The following ETV1 variants were observed in gnomAD, a reference collection of about 807,000 sequenced individuals.
ETV1 encodes the protein ETS variant transcription factor 1.
ETV1 carries 27 observed loss-of-function variants against 62.3 expected under a neutral mutation model. The observed-to-expected ratio is 0.43, with a 90% confidence interval of 0.32 to 0.60. The LOEUF is 0.60. Ranked by LOEUF, ETV1 falls within the 20% of genes least tolerant of loss-of-function variation. ETV1 has a pLI of 0.06. For synonymous variants in ETV1, 222 were observed against 199.6 expected, an observed-to-expected ratio of 1.11 and a Z score of -0.94; for missense variants, 605 against 605.8, an observed-to-expected ratio of 1.00 and a Z score of 0.01.
At chr7:13,969,404 C>G (rs147215761) in intron 6 of ETV1, among the ~76,000 whole-genome samples, 50 of 152,024 alleles carry the variant, frequency 3.3e-4, no homozygotes, top group African/African-American at 1.2e-3. Flanking sequence ...TAATATTTTC[C>G]AGAAACTGAT....
chr7:13,984,936 A>C (rs1716272012), intron 5 of ETV1, among the ~76,000 whole-genome samples: 1 of 151,892 alleles, frequency 6.6e-6, no homozygotes, highest in South Asian at 2.1e-4. Context: ...AGTTAAAAAA[A>C]AAGTACTGAA....
intron 13 of ETV1, among the ~76,000 whole-genome samples, chr7:13,898,759 T>C (rs1782098935): frequency 6.6e-6 from 1 of 152,198 alleles, no homozygotes; most frequent in African/African-American, 2.4e-5. Flanking sequence ...TCATAGTTTT[T>C]GCTATTTAAA....
intron 7 of ETV1, 47 bp from the exon 8 acceptor site, chr7:13,935,943 AT>A (rs1440863976): frequency 4.1e-6 from 6 of 1,457,630 alleles, no homozygotes; most frequent in Non-Finnish European, 5.6e-6. Flanking sequence ...CTTTGGAGCA[AT>A]TTTTTAAAAA....
chr7:13,900,063 A>G (rs2128405188), intron 13 of ETV1, among the ~76,000 whole-genome samples: 1 of 152,346 alleles, frequency 6.6e-6, no homozygotes, highest in East Asian at 1.9e-4. Flanking sequence ...TGGGGGACTG[A>G]GGTTGCAGTG....
rs573454683 is a variant in ETV1, at chr7:13,968,682, C to T, written c.235+8745G>A. 5.5e-4 allele frequency among the ~76,000 whole-genome samples: 84 copies of T among 151,728 alleles called. 1 individual carries two copies. Among genetic ancestry groups the T allele is most frequent in the African/African-American group, 2.0e-3 (81 of 41,424 alleles). On this transcript the variant is annotated intron_variant, in intron 6 of 13. Transcript: ENST00000430479. ...CATGAATTACGTTTTTTTCTAAAAC[C>T]CACTTTTCAAGTCAAGCATGCATTC...
rs73273392 is a variant in ETV1 at position 13,897,038 on chromosome 7, C to T, written c.1213-951G>A. Among the ~76,000 whole-genome samples, 815 of 152,190 alleles carry T rather than the reference C, an allele frequency of 5.4e-3. 9 individuals carry two copies. Among genetic ancestry groups the T allele is most frequent in the African/African-American group, 0.018 (753 of 41,504 alleles). On this transcript the variant is annotated intron_variant, in intron 13 of 13. Transcript: ENST00000430479. ...AGCATAATTTATAGGGTATGACATA[C>T]CCCAAACTTAAATTCTGAAGAGTAA...
chr7:13,919,565 T>TAGACAC (rs1784583671), intron 9 of ETV1, among the ~76,000 whole-genome samples: 1 of 135,404 alleles, frequency 7.4e-6, no homozygotes, highest in African/African-American at 2.7e-5. Context: ...ATAGAAACCA[T>TAGACAC]ACACACACAC....
At position 13,911,281 on chromosome 7, in the gene ETV1, T is replaced by C; in HGVS notation, c.829A>G (p.Met277Val). The change falls in exon 10 of 14, where the codon ATG (methionine) becomes GTG (valine). Residue 277 changes from methionine (M) to valine (V), a missense_variant. Around this residue, in one of 3 missense-constraint regions of ETV1, gnomAD observed 426 missense variants for 377.8 expected, o/e 1.13. Coordinates refer to ENST00000430479, the MANE Select transcript of ETV1 (RefSeq NM_004956.5). ...TGAGCCAGGAAGCCTTCTTGCCTCA[T>C]ATAAATGGAGTGGCAGCTAGGCACT... ...SEVPSCHSIY[M>V]RQEGFLAHPS... The C allele has an allele frequency of 6.2e-7, 1 of 1,612,940 alleles. No homozygotes were observed.
In ETV1 at chr7:13,931,573, C is replaced by A. The variant is rs180893787; in HGVS notation, c.731G>T (p.Ser244Ile). 1.9e-6 allele frequency: 3 copies of A among 1,613,932 alleles called. No homozygotes were observed. In the African/African-American group the frequency reaches 4.0e-5, roughly 22 times the overall value. ...AGGGGGAAAGCTTTGGCTGGCCGCA[C>A]TGCCAACCATGGTGTTGTGTTCATA... ...PVYEHNTMVGSAASQSFPPPL... is the reference protein window; with the variant it reads ...PVYEHNTMVGIAASQSFPPPL... Residue 244 changes from serine (S) to isoleucine (I), a missense_variant, in exon 9 of 14, where the codon AGT becomes ATT. Coordinates refer to ENST00000430479, the MANE Select transcript of ETV1 (RefSeq NM_004956.5).
chr7:13,950,899 AACACAC>A lies in ETV1; in HGVS notation c.236-11659_236-11654del, dbSNP rs67539493. ...AATCCAAACTGCTGGCTTCTCTAGG[AACACAC>A]ACACACACACACACACACACACACA... On this transcript the variant is annotated intron_variant, in intron 6 of 13. Transcript: ENST00000430479. 3.3e-3 allele frequency among the ~76,000 whole-genome samples: 462 copies of A among 138,904 alleles called. 3 individuals are homozygous for A. The highest frequency in any genetic ancestry group is 4.3e-3 in the African/African-American group (153 of 35,456). The allele number at this position is 138,904 out of a possible 152,430, so 91.1% of individuals were successfully genotyped here.
intron 6 of ETV1, among the ~76,000 whole-genome samples, chr7:13,955,033 C>T (rs73679050): frequency 0.071 from 10,756 of 152,182 alleles, 468 homozygotes; most frequent in South Asian, 0.12. Context: ...CTTCTTAAAA[C>T]GAAATTTTCT....
chr7:13,921,991 A>G lies in ETV1; in HGVS notation c.802+9511T>C, dbSNP rs146751766. Among the ~76,000 whole-genome samples, 656 of 152,312 alleles carry G rather than the reference A, an allele frequency of 4.3e-3. 9 individuals carry two copies. The highest frequency in any genetic ancestry group is 0.015 in the African/African-American group (634 of 41,564). ...AATATCTTCAAATGTAATATTTCAT[A>G]TTTAAAATAATTGTAATATGTTGTC... On this transcript the variant is annotated intron_variant, in intron 9 of 13. Transcript: ENST00000430479.
intron 8 of ETV1, among the ~76,000 whole-genome samples, chr7:13,933,369 C>T (rs1360146689): frequency 6.6e-6 from 1 of 152,280 alleles, no homozygotes; most frequent in South Asian, 2.1e-4. Context: ...GAAAGTGATT[C>T]AAGAAGCTTC....
chr7:13,894,994 G>C lies in ETV1; in HGVS notation c.*872C>G, dbSNP rs1404770221. The C allele has an allele frequency of 8.6e-6, 2 of 233,002 alleles. No homozygotes were observed. The highest frequency in any genetic ancestry group is 4.4e-5 in the African/African-American group (2 of 45,306). 14.4% of individuals were successfully genotyped at this position (233,002 alleles called of 1,614,324 possible). A position where few individuals can be genotyped will look rare whatever the true frequency, so the allele number is the denominator to read the frequency against. On this transcript the variant is annotated 3_prime_UTR_variant, in exon 14 of 14. Transcript: ENST00000430479. ...TATGTACTGAAGAAAGTGAAAAGGA[G>C]ACAGATATTTTTTGCTTCATTTTGA...
chr7:13,956,822 C>T (rs1486342395), intron 6 of ETV1, among the ~76,000 whole-genome samples: 6 of 152,036 alleles, frequency 3.9e-5, no homozygotes, highest in South Asian at 2.1e-4. Flanking sequence ...ACAAACTCTG[C>T]GTTTGATTTT....
chr7:13,919,550 A>C lies in ETV1; in HGVS notation c.803-8243T>G, dbSNP rs1456730041. Among the ~76,000 whole-genome samples, 4 of 123,616 alleles carry C rather than the reference A, an allele frequency of 3.2e-5. No individual in the cohort carries two copies. The East Asian group carries it at 8.1e-4, about 25-fold the overall frequency. 81.1% of individuals were successfully genotyped at this position (123,616 alleles called of 152,430 possible). Reference sequence around the variant, plus strand: ...AAAATTTTCCAGATTGTTAGAAACAACTAAATAGAAACCATACACACACAC... The same window carrying C: ...AAAATTTTCCAGATTGTTAGAAACACCTAAATAGAAACCATACACACACAC... On this transcript the variant is annotated intron_variant, in intron 9 of 13. Coordinates refer to ENST00000430479, the MANE Select transcript of ETV1 (RefSeq NM_004956.5).
At chr7:13,965,519 G>A (rs1268320608) in intron 6 of ETV1, among the ~76,000 whole-genome samples, 1 of 152,052 alleles carries the variant, frequency 6.6e-6, no homozygotes, top group East Asian at 1.9e-4. Context: ...TGGCTATCAG[G>A]GAGGGAAGAT....
At position 13,984,207 on chromosome 7, in the gene ETV1, A is replaced by T. The variant is rs76213935; in HGVS notation, c.181+2431T>A. On this transcript the variant is annotated intron_variant, in intron 5 of 13. Coordinates refer to ENST00000430479, the MANE Select transcript of ETV1 (RefSeq NM_004956.5). ...CGAGAAACTTGATTAACTGCCAATG[A>T]TCTTTTTTAAAAGGGTCAAGATGTC... 2.6e-3 allele frequency among the ~76,000 whole-genome samples: 399 copies of T among 152,074 alleles called. 1 individual carries two copies. The highest frequency in any genetic ancestry group is 4.7e-3 in the Non-Finnish European group (321 of 67,862).
At chr7:13,959,554 C>G (rs963222105) in intron 6 of ETV1, among the ~76,000 whole-genome samples, 10 of 152,022 alleles carry the variant, frequency 6.6e-5, no homozygotes, top group Admixed American at 5.9e-4. Flanking sequence ...CATATAATGT[C>G]TAAAATGGAA....
Sources: gnomAD v4.1 joint callset for allele counts (sites outside exome capture counted in the v4.1 genomes callset) on GRCh38, gnomAD v4.1.1 for gene constraint, gnomAD v4.1.1 regional missense constraint, MANE v1.5 for transcripts, NCBI Gene and HGNC (gene_info 2026-07-23, HGNC 2026-07-21) for gene names.